The following ETS2 variants were observed in gnomAD, a reference collection of about 807,000 sequenced individuals.
ETS2 encodes the protein protein C-ets-2.
Under a neutral mutation model 54.9 loss-of-function variants are expected in ETS2, and 19 were observed. That is an observed-to-expected ratio of 0.35 (90% CI 0.24 to 0.51). ETS2 has a LOEUF of 0.51. Among genes scored for constraint, ETS2 ranks in the 20% least tolerant of loss-of-function variants. ETS2 has a pLI of 0.97. For missense variants in ETS2, 417 were observed against 593.0 expected (o/e 0.70, Z 3.08); for synonymous variants, 219 against 229.3 (o/e 0.95, Z 0.41).
intron 5 of ETS2, 40 bp downstream of exon 5, chr21:38,815,021 G>C (rs1371123206): frequency 6.3e-7 from 1 of 1,595,368 alleles, no homozygotes; most frequent in Admixed American, 1.7e-5. Flanking sequence ...TCCAGGATGA[G>C]CTGTGGCCGG....
upstream of ETS2, chr21:38,805,485 G>A (rs992748327): frequency 3.9e-6 from 5 of 1,287,990 alleles, no homozygotes; most frequent in South Asian, 3.7e-5. The surrounding 1 kb of genome is among the most constrained non-coding windows in gnomAD (Gnocchi z 5.2). Flanking sequence ...GACGCCGAGC[G>A]CTCCACGGAA....
In ETS2 at chr21:38,806,456, G is replaced by C; in HGVS notation, c.-1+336G>C. On this transcript the variant is annotated intron_variant, in intron 1 of 9. Transcript: ENST00000360938. This position sits in a 1 kb window ranked among gnomAD's most constrained non-coding sequence, Gnocchi z 4.3. ...CTCGCTTTTGTTTTTAAAAGGAAACGCAGGCCTGGTAGGGGGTCCTGCCCA... is the reference window on the plus strand; with the variant it reads ...CTCGCTTTTGTTTTTAAAAGGAAACCCAGGCCTGGTAGGGGGTCCTGCCCA... The C allele has an allele frequency of 1.0e-6, 1 of 985,574 alleles. No homozygotes were observed. The highest frequency in any genetic ancestry group is 1.2e-6 in the Non-Finnish European group (1 of 830,086). 61.1% of individuals were successfully genotyped at this position (985,574 alleles called of 1,614,324 possible). A position where few individuals can be genotyped will look rare whatever the true frequency, so the allele number is the denominator to read the frequency against.
rs746824654 is a variant in ETS2, at chr21:38,818,504, G to A, written c.669G>A (p.Pro223=). ...PKGGLLDSMC[P]ASTPSVLSSE... Reference sequence around the variant, plus strand: ...GCGGCCTCCTGGACAGCATGTGTCCGGCCTCCACACCCAGCGTACTCAGCT... The same window carrying A: ...GCGGCCTCCTGGACAGCATGTGTCCAGCCTCCACACCCAGCGTACTCAGCT... The change falls in exon 7 of 10, where the codon CCG becomes CCA. Residue 223 remains proline (P), a synonymous_variant. Transcript: ENST00000360938. The A allele has an allele frequency of 1.8e-5, 29 of 1,613,998 alleles. No homozygotes were observed. The highest frequency in any genetic ancestry group is 8.0e-5 in the African/African-American group (6 of 74,890).
intron 7 of ETS2, among the ~76,000 whole-genome samples, chr21:38,819,206 A>T (rs1326849504): frequency 6.6e-6 from 1 of 152,206 alleles, no homozygotes; most frequent in East Asian, 1.9e-4. Flanking sequence ...TCTTTTACTC[A>T]TCATGTCTGG....
At chr21:38,808,920 A>G (rs2060903910) in intron 1 of ETS2, among the ~76,000 whole-genome samples, 1 of 152,222 alleles carries the variant, frequency 6.6e-6, no homozygotes, top group African/African-American at 2.4e-5. Flanking sequence ...AAGGCCATTC[A>G]TCGGTGCTAA....
At position 38,810,081 on chromosome 21, in the gene ETS2, C is replaced by A. The variant is rs779037031; in HGVS notation, c.47C>A (p.Ala16Asp). 3.2e-6 allele frequency: 5 copies of A among 1,554,922 alleles called. No homozygotes were observed. The highest frequency in any genetic ancestry group is 4.3e-6 in the Non-Finnish European group (5 of 1,158,412). Residue 16 changes from alanine (A) to aspartate (D), a missense_variant, in exon 2 of 10, where the codon GCT becomes GAT. This residue lies in a region of ETS2 where 326 missense variants were observed against 426.1 expected (regional missense o/e 0.76). Coordinates refer to ENST00000360938, the MANE Select transcript of ETS2 (RefSeq NM_005239.6). The part of the protein sequence containing the change: ...IKNMDQVAPV[A>D]NSYRGTLKRQ... ...AATATGGACCAGGTAGCCCCTGTGG[C>A]TAACAGTTACAGAGGGACACTCAAG...
At position 38,819,585 on chromosome 21, in the gene ETS2, C is replaced by G; in HGVS notation, c.894C>G (p.Ser298Arg). The G allele has an allele frequency of 6.2e-7, 1 of 1,614,178 alleles. No homozygotes were observed. The highest frequency in any genetic ancestry group is 8.5e-7 in the Non-Finnish European group (1 of 1,180,004). ...ACTCCCTCCTCCAGTCCTGGAACAGCCAGTCGTCCTTGCTGGATGTGCAAC... is the reference window on the plus strand; with the variant it reads ...ACTCCCTCCTCCAGTCCTGGAACAGGCAGTCGTCCTTGCTGGATGTGCAAC... ...SSDSLLQSWN[S>R]QSSLLDVQRV... The change falls in exon 8 of 10, where the codon AGC (serine) becomes AGG (arginine). Residue 298 changes from serine (S) to arginine (R), a missense_variant. Ser to Arg is a moderately radical substitution (Grantham distance 110). This residue lies in a region of ETS2 where 326 missense variants were observed against 426.1 expected (regional missense o/e 0.76). Coordinates refer to ENST00000360938, the MANE Select transcript of ETS2 (RefSeq NM_005239.6).
chr21:38,811,551 T>C (rs1431841962), intron 2 of ETS2, among the ~76,000 whole-genome samples: 2 of 152,262 alleles, frequency 1.3e-5, no homozygotes, highest in African/African-American at 4.8e-5. Flanking sequence ...GTATTACACA[T>C]AACATGGGAT....
chr21:38,814,374 C>A lies in ETS2; in HGVS notation c.286C>A (p.Arg96Ser). Reference protein sequence around the residue: ...TFSGFKKEQRRLGIPKNPWLW... With the variant: ...TFSGFKKEQRSLGIPKNPWLW... ...CAGTGGCTTCAAAAAGGAACAGCGG[C>A]GCCTGGGCATTCCAAAGAGTAAGTA... Residue 96 changes from arginine to serine, a missense_variant, in exon 4 of 10, where the codon CGC (arginine) becomes AGC (serine). By Grantham distance (110) the Arg-to-Ser change is moderately radical. This residue lies in a region of ETS2 where 326 missense variants were observed against 426.1 expected (regional missense o/e 0.76). Coordinates refer to ENST00000360938, the MANE Select transcript of ETS2 (RefSeq NM_005239.6). The surrounding 1 kb of genome is among the most constrained non-coding windows in gnomAD (Gnocchi z 4.2). 1 of 1,614,114 alleles carries A rather than the reference C, an allele frequency of 6.2e-7. No homozygotes were observed. Among genetic ancestry groups the A allele is most frequent in the African/African-American group, 1.3e-5 (1 of 75,066 alleles).
Position 38,814,331 on chromosome 21 carries a change from A to G in ETS2, c.243A>G (p.Gln81=), listed in dbSNP as rs11700777. 2.3e-3 allele frequency: 3,691 copies of G among 1,614,148 alleles called. 8 individuals are homozygous for G. Among genetic ancestry groups the G allele is most frequent in the Non-Finnish European group, 2.9e-3 (3,388 of 1,180,032 alleles). ...LTPCSKAVMS[Q]ALKATFSGFK... ...CGTGCAGCAAGGCTGTGATGAGTCA[A>G]GCCTTAAAAGCTACCTTCAGTGGCT... Residue 81 remains glutamine (Q), a synonymous_variant, in exon 4 of 10, where the codon CAA becomes CAG. Transcript: ENST00000360938. This position sits in a 1 kb window ranked among gnomAD's most constrained non-coding sequence, Gnocchi z 4.2.
At chr21:38,822,406 C>T (rs193090974) in intron 9 of ETS2, among the ~76,000 whole-genome samples, 16 of 152,182 alleles carry the variant, frequency 1.1e-4, no homozygotes, top group Admixed American at 2.0e-4. Flanking sequence ...GCTCTGAACC[C>T]TTGGCTCCCA....
At chr21:38,815,553 T>C (rs944609531) in intron 5 of ETS2, among the ~76,000 whole-genome samples, 1 of 152,088 alleles carries the variant, frequency 6.6e-6, no homozygotes, top group Non-Finnish European at 1.5e-5. Flanking sequence ...CATTGATCAG[T>C]AGAAATCTCA....
In ETS2 at chr21:38,819,991, G is replaced by A. The variant is rs181779945; in HGVS notation, c.1075+225G>A. Among the ~76,000 whole-genome samples, 688 of 152,266 alleles carry A rather than the reference G, an allele frequency of 4.5e-3. 1 individual carries two copies. Among genetic ancestry groups the A allele is most frequent in the Non-Finnish European group, 8.0e-3 (545 of 68,006 alleles). On this transcript the variant is annotated intron_variant, in intron 8 of 9. Coordinates refer to ENST00000360938, the MANE Select transcript of ETS2 (RefSeq NM_005239.6). ...GAGCTCCATGGAATGAGTGAAAATT[G>A]ACAGGCCACTCCCTCCACCTGGGAC...
chr21:38,814,880 A>T lies in ETS2; in HGVS notation c.404A>T (p.Asn135Ile). 1 of 1,614,192 alleles carries T rather than the reference A, an allele frequency of 6.2e-7. No individual in the cohort carries two copies. The highest frequency in any genetic ancestry group is 8.5e-7 in the Non-Finnish European group (1 of 1,180,034). Residue 135 changes from asparagine (N) to isoleucine (I), a missense_variant, in exon 5 of 10, where the codon AAT (asparagine) becomes ATT (isoleucine). Around this residue, in one of 3 missense-constraint regions of ETS2, gnomAD observed 326 missense variants for 426.1 expected, o/e 0.76. Transcript: ENST00000360938. The surrounding 1 kb of genome is among the most constrained non-coding windows in gnomAD (Gnocchi z 4.2). ...GTGAATCTGCAGAGGTTCGGCATGAATGGCCAGATGCTGTGTAACCTTGGC... is the reference window on the plus strand; with the variant it reads ...GTGAATCTGCAGAGGTTCGGCATGATTGGCCAGATGCTGTGTAACCTTGGC... The part of the protein sequence containing the change: ...VNVNLQRFGM[N>I]GQMLCNLGKE...
In ETS2 at chr21:38,821,372, G is replaced by A. The variant is rs930324402; in HGVS notation, c.1076-214G>A. On this transcript the variant is annotated intron_variant, in intron 8 of 9. Transcript: ENST00000360938. This position sits in a 1 kb window ranked among gnomAD's most constrained non-coding sequence, Gnocchi z 4.2. ...ATTTTCTAGGAGTAGGCAGTGTGGA[G>A]CAGGAACTCACATTTGGTGCCCCGC... Among the ~76,000 whole-genome samples, 1 of 152,070 alleles carries A rather than the reference G, an allele frequency of 6.6e-6. No individual in the cohort carries two copies. Among genetic ancestry groups the A allele is most frequent in the Admixed American group, 6.5e-5 (1 of 15,270 alleles).
At chr21:38,805,401 G>A (rs73450548), upstream of ETS2, 159,962 of 1,288,586 alleles carry the variant, frequency 0.12, 12,949 homozygotes, top group African/African-American at 0.39. The surrounding 1 kb of genome is among the most constrained non-coding windows in gnomAD (Gnocchi z 5.2). Flanking sequence ...GCCCTTCGGT[G>A]CCACCAGCAC....
intron 8 of ETS2, among the ~76,000 whole-genome samples, chr21:38,820,373 C>G (rs973954605): frequency 6.6e-5 from 10 of 151,908 alleles, no homozygotes; most frequent in Non-Finnish European, 1.2e-4. Context: ...TTGAAATTAC[C>G]TAACTTAAAA....
chr21:38,807,151 G>C (rs2081119483), intron 1 of ETS2, among the ~76,000 whole-genome samples: 1 of 152,156 alleles, frequency 6.6e-6, no homozygotes, highest in Admixed American at 6.5e-5. Flanking sequence ...TGTTAGCACC[G>C]ACCATCCGCA....
intron 5 of ETS2, 79 bp downstream of exon 5, chr21:38,815,060 G>A (rs1236718879): frequency 4.9e-6 from 7 of 1,424,076 alleles, no homozygotes; most frequent in African/African-American, 2.8e-5. Flanking sequence ...TCACGTGGGT[G>A]TTCTTCAACC....
Sources: allele counts gnomAD v4.1 joint callset (sites outside exome capture counted in the v4.1 genomes callset), GRCh38; gene constraint gnomAD v4.1.1; regional missense constraint gnomAD v4.1.1; non-coding constraint Gnocchi (gnomAD v3.1); transcripts MANE v1.5; gene names NCBI Gene and HGNC (gene_info 2026-07-23, HGNC 2026-07-21).